EMP2: variants seen among roughly 807,000 people sequenced by gnomAD.
EMP2 encodes the protein epithelial membrane protein 2.
A neutral mutation model predicts 13.7 loss-of-function variants in EMP2; 19 were observed. That is an observed-to-expected ratio of 1.38 (90% CI 0.97 to 2.03). The LOEUF (loss-of-function observed/expected upper bound fraction) is 2.03, where lower values mean the gene tolerates loss of function less well. Among genes scored for constraint, EMP2 ranks in the 30% most tolerant of loss-of-function variants. The pLI is 0.00. For missense variants in EMP2, 253 were observed against 220.7 expected (o/e 1.15, Z -0.93); for synonymous variants, 97 against 84.7 (o/e 1.15, Z -0.80).
intron 1 of EMP2, among the ~76,000 whole-genome samples, chr16:10,550,671 G>A (rs2050780304): frequency 6.6e-6 from 1 of 152,022 alleles, no homozygotes; most frequent in African/African-American, 2.4e-5. Flanking sequence ...TTTCCCCTTT[G>A]TCATTAAAAA....
chr16:10,538,370 C>T (rs1204221170), intron 3 of EMP2, among the ~76,000 whole-genome samples: 1 of 152,204 alleles, frequency 6.6e-6, no homozygotes, highest in Non-Finnish European at 1.5e-5. Context: ...ACATGCTTGG[C>T]TCATGGACAG....
At chr16:10,571,616 G>A (rs1368853161) in intron 1 of EMP2, among the ~76,000 whole-genome samples, 1 of 152,198 alleles carries the variant, frequency 6.6e-6, no homozygotes, top group African/African-American at 2.4e-5. Context: ...GAGTGACTTG[G>A]TCAGCTTTGT....
chr16:10,546,648 C>G (rs1235316162), intron 2 of EMP2: 1 of 152,068 alleles, frequency 6.6e-6, no homozygotes, highest in Non-Finnish European at 1.5e-5. Flanking sequence ...GGGCAGCGGT[C>G]CTCAACAGAG....
chr16:10,529,917 G>A lies in EMP2; in HGVS notation c.*2988C>T, dbSNP rs2050584146. ...CTGCACTCCAGCCTGGGCAACAAGA[G>A]CAAAACTCAGTCTCAAAAAAAAAAA... On this transcript the variant is annotated 3_prime_UTR_variant, in exon 5 of 5. Transcript: ENST00000359543. 6 of 105,222 alleles carry A rather than the reference G, an allele frequency of 5.7e-5. No homozygotes were observed. The South Asian group carries it at 1.2e-3, about 22-fold the overall frequency. 6.5% of individuals were successfully genotyped at this position (105,222 alleles called of 1,614,324 possible).
In EMP2 at chr16:10,577,304, G is replaced by C. The variant is rs556548251; in HGVS notation, c.-61+3245C>G. ...AAGGAGCATGAGTACCTCTGGAGCC[G>C]TGCAGGACAGGTGCCCTCATCACCA... is the stretch of plus-strand genomic sequence containing the variant. On this transcript the variant is annotated intron_variant, in intron 1 of 4. Transcript: ENST00000359543. Among the ~76,000 whole-genome samples the C allele has an allele frequency of 1.1e-3, 170 of 152,234 alleles. 1 individual carries two copies. Among genetic ancestry groups the C allele is most frequent in the Middle Eastern group, 6.8e-3 (2 of 294 alleles).
At chr16:10,560,758 G>A (rs1225867516) in intron 1 of EMP2, among the ~76,000 whole-genome samples, 1 of 152,178 alleles carries the variant, frequency 6.6e-6, no homozygotes, top group African/African-American at 2.4e-5. Context: ...CTAAGGATGG[G>A]CGGAGTGGTG....
rs1471611118 is a variant in EMP2, at chr16:10,580,015, T to C, written c.-61+534A>G. ...AGAGTTGGCAGGGAGAGAGGTGTCATCCCAGCAGCGCCTCCCGGCTCCTCC... is the reference window on the plus strand; with the variant it reads ...AGAGTTGGCAGGGAGAGAGGTGTCACCCCAGCAGCGCCTCCCGGCTCCTCC... On this transcript the variant is annotated intron_variant, in intron 1 of 4. Transcript: ENST00000359543. The surrounding 1 kb of genome is among the most constrained non-coding windows in gnomAD (Gnocchi z 4.3). 6.6e-6 allele frequency among the ~76,000 whole-genome samples: 1 copy of C among 152,102 alleles called. No individual in the cohort carries two copies. The highest frequency in any genetic ancestry group is 1.9e-4 in the East Asian group (1 of 5,166).
intron 2 of EMP2, 45 bp from the exon 3 acceptor site, chr16:10,543,705 A>T: frequency 6.3e-7 from 1 of 1,585,334 alleles, no homozygotes; most frequent in East Asian, 2.2e-5. Context: ...TCCGTTCATG[A>T]TGCAAACACT....
At chr16:10,566,175 G>C (rs989214785) in intron 1 of EMP2, among the ~76,000 whole-genome samples, 1 of 152,170 alleles carries the variant, frequency 6.6e-6, no homozygotes, top group Non-Finnish European at 1.5e-5. Context: ...TCAGTCATTT[G>C]TCTACCACCT....
At position 10,547,580 on chromosome 16, in the gene EMP2, A is replaced by C. The variant is rs763576473; in HGVS notation, c.38T>G (p.Ile13Ser). ...VLLAFIIAFHITSAALLFIAT... is the reference protein window; with the variant it reads ...VLLAFIIAFHSTSAALLFIAT... ...AATGAACAGCAAGGCTGCAGAGGTG[A>C]TGTGGAAGGCGATGATGAAAGCAAG... The change falls in exon 2 of 5, where the codon ATC (isoleucine) becomes AGC (serine). Residue 13 changes from isoleucine to serine, a missense_variant. By Grantham distance (142) the Ile-to-Ser change is moderately radical. Transcript: ENST00000359543. The C allele has an allele frequency of 5.6e-6, 9 of 1,614,180 alleles. No homozygotes were observed. The East Asian group carries it at 1.8e-4, about 32-fold the overall frequency.
intron 1 of EMP2, chr16:10,577,957 C>G: frequency 7.2e-6 from 1 of 138,504 alleles, no homozygotes; most frequent in South Asian, 2.8e-4. Context: ...CCCACCCCCC[C>G]ACACACAATT....
intron 1 of EMP2, among the ~76,000 whole-genome samples, chr16:10,552,684 A>C (rs2050797318): frequency 6.6e-6 from 1 of 152,252 alleles, no homozygotes; most frequent in African/African-American, 2.4e-5. Context: ...AGTGATATAA[A>C]GTATTTTAAA....
intron 1 of EMP2, among the ~76,000 whole-genome samples, chr16:10,555,465 T>G (rs545926237): frequency 6.6e-6 from 1 of 152,368 alleles, no homozygotes; most frequent in East Asian, 1.9e-4. Context: ...AGAACTTCTC[T>G]TTTAAAAATG....
At chr16:10,568,545 C>T (rs1208200735) in intron 1 of EMP2, among the ~76,000 whole-genome samples, 1 of 152,106 alleles carries the variant, frequency 6.6e-6, no homozygotes, top group Non-Finnish European at 1.5e-5. Flanking sequence ...CACTAACACA[C>T]CAGTGATTGA....
chr16:10,576,482 T>C (rs891581010), intron 1 of EMP2: 1 of 151,956 alleles, frequency 6.6e-6, no homozygotes, highest in Admixed American at 6.6e-5. Flanking sequence ...GACGCTTGGC[T>C]TGTCTGTCTG....
rs1321276083 is a variant in EMP2 at position 10,528,687 on chromosome 16, C to T, written c.*4218G>A. 1 of 152,218 alleles carries T rather than the reference C, an allele frequency of 6.6e-6. No individual in the cohort carries two copies. Among genetic ancestry groups the T allele is most frequent in the African/African-American group, 2.4e-5 (1 of 41,460 alleles). 9.4% of individuals were successfully genotyped at this position (152,218 alleles called of 1,614,324 possible). Reference sequence around the variant, plus strand: ...AAAGTTTCTAACTACCCTAAAGTCACAAACCAAGATTCAAAATGAACCTCT... The same window carrying T: ...AAAGTTTCTAACTACCCTAAAGTCATAAACCAAGATTCAAAATGAACCTCT... On this transcript the variant is annotated 3_prime_UTR_variant, in exon 5 of 5. Transcript: ENST00000359543.
At chr16:10,562,336 T>TTCTCTC (rs540802206) in intron 1 of EMP2, among the ~76,000 whole-genome samples, 1,947 of 124,024 alleles carry the variant, frequency 0.016, 43 homozygotes, top group South Asian at 0.032. Context: ...CTCATGCATG[T>TTCTCTC]TCTCTCTCTC....
At chr16:10,558,260 CA>C (rs1195937985) in intron 1 of EMP2, among the ~76,000 whole-genome samples, 1 of 152,128 alleles carries the variant, frequency 6.6e-6, no homozygotes, top group Admixed American at 6.5e-5. Flanking sequence ...CTCCTGGCCT[CA>C]AGCCATCCTC....
At chr16:10,549,164 A>C (rs959276084) in intron 1 of EMP2, among the ~76,000 whole-genome samples, 1 of 152,224 alleles carries the variant, frequency 6.6e-6, no homozygotes, top group African/African-American at 2.4e-5. Flanking sequence ...TGGATGTTAA[A>C]CCACTGAGAT....
Sources: gnomAD v4.1 joint callset for allele counts (sites outside exome capture counted in the v4.1 genomes callset) on GRCh38, gnomAD v4.1.1 for gene constraint, Gnocchi (gnomAD v3.1) non-coding constraint, MANE v1.5 for transcripts, NCBI Gene and HGNC (gene_info 2026-07-23, HGNC 2026-07-21) for gene names.